Variants in RGS22 observed in about 807,000 individuals in gnomAD.
RGS22 encodes regulator of G protein signaling 22.
A neutral mutation model predicts 172.9 loss-of-function variants in RGS22; 148 were observed. The observed-to-expected ratio is 0.86, with a 90% CI of 0.75 to 0.98. The LOEUF (loss-of-function observed/expected upper bound fraction) is 0.98. Among genes scored for constraint, RGS22 ranks in the 50% least tolerant of loss-of-function variants. The pLI, the probability that RGS22 is intolerant of heterozygous loss-of-function variation, is 0.00. For synonymous variants in RGS22, 458 were observed against 480.2 expected, an observed-to-expected ratio of 0.95 and a Z score of 0.60; for missense variants, 1,347 against 1,440.8, an observed-to-expected ratio of 0.93 and a Z score of 1.05.
rs765435118 is a variant in RGS22 at position 100,072,234 on chromosome 8, TGAG to T, written c.340-7_340-5del. Reference sequence around the variant, plus strand: ...TACCTTCTTCACGACTGAGACACTATGAGAAGAAAGAGAAAAAGAAAAAGAAGG... The same window carrying T: ...TACCTTCTTCACGACTGAGACACTATAAGAAAGAGAAAAAGAAAAAGAAGG... On this transcript the variant is annotated splice_polypyrimidine_tract_variant and splice_region_variant and intron_variant, in intron 4 of 27. Transcript: ENST00000360863. 10 of 1,554,902 alleles carry T rather than the reference TGAG, an allele frequency of 6.4e-6. No individual in the cohort carries two copies. Among genetic ancestry groups the T allele is most frequent in the South Asian group, 2.4e-5 (2 of 84,594 alleles).
In RGS22 at chr8:99,996,456, A is replaced by G; in HGVS notation, c.3018+6T>C. The stretch of plus-strand genomic sequence containing the variant: ...CAAGAGGAAGAATATAACAAACATT[A>G]CTTGCCTTCCAGACCCCGATTTTCT... On this transcript the variant is annotated splice_donor_region_variant and intron_variant, in intron 20 of 27. Transcript: ENST00000360863. 6.2e-7 allele frequency: 1 copy of G among 1,608,206 alleles called. No homozygotes were observed. The highest frequency in any genetic ancestry group is 1.1e-5 in the South Asian group (1 of 90,940).
At position 99,987,599 on chromosome 8, in the gene RGS22, G is replaced by T. The variant is rs1355954304; in HGVS notation, c.3039C>A (p.Ile1013=). 1.9e-6 allele frequency: 3 copies of T among 1,606,018 alleles called. No individual in the cohort carries two copies. In the Admixed American group the frequency reaches 5.0e-5, roughly 27 times the overall value. ...AAGCAATGATTTTACAAGATGAAGA[G>T]ATCCACTTACTCTCCACAGGCTGTC... ...GVWKPVESKW[I]SSSCKIIAFR... is the part of the protein sequence containing the mutation. Residue 1013 remains isoleucine, a synonymous_variant, in exon 21 of 28, where the codon ATC becomes ATA. Coordinates refer to ENST00000360863, the MANE Select transcript of RGS22 (RefSeq NM_015668.5).
intron 14 of RGS22, among the ~76,000 whole-genome samples, chr8:100,015,039 G>A (rs1005853910): frequency 2.0e-5 from 3 of 152,202 alleles, no homozygotes. Context: ...AATTTAGAAT[G>A]AGTGGATGAA....
intron 18 of RGS22, among the ~76,000 whole-genome samples, chr8:100,001,219 T>TACATATATATATATATATAC (rs1554611107): frequency 1.7e-4 from 23 of 132,950 alleles, no homozygotes; most frequent in Middle Eastern, 3.7e-3. Flanking sequence ...TATATATATA[T>TACATATATATATATATATAC]ACATATATAT....
rs1466593582 is a variant in RGS22, at chr8:100,066,205, T to C, written c.686A>G (p.Tyr229Cys). ...AATAGCTGGTGATTTAAGTTTGTTG[T>C]AGGGTACACAACAGGGTAACGAAAA... ...STFSLPCCVPYNKLKSPAISS... is the reference protein window; with the variant it reads ...STFSLPCCVPCNKLKSPAISS... The change falls in exon 7 of 28, where the codon TAC (tyrosine) becomes TGC (cysteine). Residue 229 changes from tyrosine to cysteine, a missense_variant. Physicochemically the swap from Tyr to Cys is radical, Grantham distance 194 (BLOSUM62 -2). Transcript: ENST00000360863. The C allele has an allele frequency of 6.2e-6, 10 of 1,613,502 alleles. No homozygotes were observed. The highest frequency in any genetic ancestry group is 8.5e-6 in the Non-Finnish European group (10 of 1,179,562).
At chr8:99,977,248 C>A (rs934957445) in intron 23 of RGS22, among the ~76,000 whole-genome samples, 3 of 150,606 alleles carry the variant, frequency 2.0e-5, no homozygotes, top group African/African-American at 7.3e-5. Context: ...GGACTACAGG[C>A]GCAAGCTGCC....
intron 14 of RGS22, among the ~76,000 whole-genome samples, chr8:100,013,090 T>G (rs541065184): frequency 6.7e-6 from 1 of 149,850 alleles, no homozygotes; most frequent in Non-Finnish European, 1.5e-5. Flanking sequence ...CTTGGGTTCA[T>G]GCCATTCTCC....
At chr8:100,025,891 A>G (rs1410485370) in intron 14 of RGS22, among the ~76,000 whole-genome samples, 3 of 152,156 alleles carry the variant, frequency 2.0e-5, no homozygotes, top group Non-Finnish European at 2.9e-5. Flanking sequence ...TTCTCTCTCA[A>G]TCTTTCTAGG....
rs1810317187 is a variant in RGS22, at chr8:100,063,624, G to T, written c.1144C>A (p.Gln382Lys). 1 of 1,614,038 alleles carries T rather than the reference G, an allele frequency of 6.2e-7. No individual in the cohort carries two copies. The highest frequency in any genetic ancestry group is 8.5e-7 in the Non-Finnish European group (1 of 1,179,994). The part of the protein sequence containing the change: ...TTKERSEEIE[Q>K]TSLSSKNESA... ...TCATTCTTTGAACTTAAACTTGTTTGTTCTATCTCTTCTGACCTCTCCTTT... is the reference window on the plus strand; with the variant it reads ...TCATTCTTTGAACTTAAACTTGTTTTTTCTATCTCTTCTGACCTCTCCTTT... The change falls in exon 8 of 28, where the codon CAA becomes AAA. Residue 382 changes from glutamine (Q) to lysine (K), a missense_variant. Gln to Lys is a moderately conservative substitution (Grantham distance 53, BLOSUM62 1). Coordinates refer to ENST00000360863, the MANE Select transcript of RGS22 (RefSeq NM_015668.5).
intron 23 of RGS22, among the ~76,000 whole-genome samples, chr8:99,970,900 A>G (rs990805567): frequency 3.3e-5 from 5 of 152,214 alleles, no homozygotes; most frequent in African/African-American, 1.2e-4. Context: ...TCATCCTGAT[A>G]CCACAACTGG....
chr8:99,978,100 A>C (rs1366499673), intron 22 of RGS22, 25 bp from the exon 23 acceptor site: 1 of 1,354,174 alleles, frequency 7.4e-7, no homozygotes, highest in Non-Finnish European at 9.9e-7. Flanking sequence ...GTCTAAGATT[A>C]CAATTTTATA....
chr8:100,096,328 C>A (rs1041369782), intron 2 of RGS22, among the ~76,000 whole-genome samples: 1 of 152,174 alleles, frequency 6.6e-6, no homozygotes, highest in African/African-American at 2.4e-5. Flanking sequence ...TTACATCATT[C>A]CATAAGCCTG....
chr8:100,080,574 T>C, intron 3 of RGS22: 1 of 503,772 alleles, frequency 2.0e-6, no homozygotes, highest in Non-Finnish European at 3.5e-6. Context: ...CGAGTAAGTG[T>C]CAGGGTATGC....
At chr8:100,005,446 G>T (rs1815588939) in intron 16 of RGS22, among the ~76,000 whole-genome samples, 1 of 151,952 alleles carries the variant, frequency 6.6e-6, no homozygotes, top group South Asian at 2.1e-4. Context: ...TTTTTATGTA[G>T]ATGCACAAAT....
At chr8:99,969,337 T>C (rs1811085819) in intron 23 of RGS22, among the ~76,000 whole-genome samples, 1 of 152,134 alleles carries the variant, frequency 6.6e-6, no homozygotes, top group Admixed American at 6.5e-5. Context: ...CATCAAGTAA[T>C]GTGCAAAATA....
chr8:99,979,024 T>C (rs1022883867), intron 22 of RGS22, among the ~76,000 whole-genome samples: 31 of 152,340 alleles, frequency 2.0e-4, no homozygotes, highest in Non-Finnish European at 5.9e-5. Flanking sequence ...CCTTCTAAAA[T>C]ACAGTTTTGT....
chr8:100,008,780 A>G (rs1816032163), intron 14 of RGS22, among the ~76,000 whole-genome samples: 1 of 152,224 alleles, frequency 6.6e-6, no homozygotes, highest in East Asian at 1.9e-4. Flanking sequence ...TTTCTTCATC[A>G]GTAATTAGTC....
intron 2 of RGS22, among the ~76,000 whole-genome samples, chr8:100,096,672 T>A (rs755531366): frequency 9.2e-4 from 87 of 94,822 alleles, no homozygotes; most frequent in East Asian, 3.9e-3. Context: ...TTAAAAAAAA[T>A]TTTTTTTTTT....
At position 100,010,481 on chromosome 8, in the gene RGS22, T is replaced by C. The variant is rs369022642; in HGVS notation, c.2167-1912A>G. ...AGCCTGGCAACAGAGTGAGACTCCG[T>C]CTAAAAAAATAAAAAACCAACATGG... On this transcript the variant is annotated intron_variant, in intron 14 of 27. Coordinates refer to ENST00000360863, the MANE Select transcript of RGS22 (RefSeq NM_015668.5). 7.2e-5 allele frequency among the ~76,000 whole-genome samples: 11 copies of C among 152,188 alleles called. No individual in the cohort carries two copies. The East Asian group carries it at 1.2e-3, about 16-fold the overall frequency.
Sources: allele counts gnomAD v4.1 joint callset (sites outside exome capture counted in the v4.1 genomes callset), GRCh38; gene constraint gnomAD v4.1.1; transcripts MANE v1.5; gene names NCBI Gene and HGNC (gene_info 2026-07-23, HGNC 2026-07-21).